PSD3: variants seen among roughly 807,000 people sequenced by gnomAD.
PSD3 encodes the protein pleckstrin and Sec7 domain containing 3, also known as PH and SEC7 domain-containing protein 3.
PSD3 carries 49 observed loss-of-function variants against 105.5 expected under a neutral mutation model. That is an observed-to-expected ratio of 0.46 (90% CI 0.37 to 0.59). The LOEUF (loss-of-function observed/expected upper bound fraction) is 0.59, where lower values mean the gene tolerates loss of function less well. Among genes scored for constraint, PSD3 ranks in the 20% least tolerant of loss-of-function variants. The pLI is 0.00. For missense variants in PSD3, 1,561 were observed against 1,263.8 expected (o/e 1.24, Z -3.57); for synonymous variants, 557 against 457.8 (o/e 1.22, Z -2.77).
At chr8:18,563,662 C>T (rs569132865) in intron 14 of PSD3, among the ~76,000 whole-genome samples, 2 of 152,190 alleles carry the variant, frequency 1.3e-5, no homozygotes, top group Admixed American at 1.3e-4. Context: ...GATTTAATTA[C>T]TTGTTTTATT....
At chr8:18,818,465 T>C (rs1203057650) in intron 4 of PSD3, among the ~76,000 whole-genome samples, 1 of 152,186 alleles carries the variant, frequency 6.6e-6, no homozygotes, top group Non-Finnish European at 1.5e-5. Flanking sequence ...CTGTGTTCTT[T>C]AATGTGAATT....
At chr8:18,921,843 GACCAAGT>G (rs1321266474) in intron 2 of PSD3, among the ~76,000 whole-genome samples, 2 of 152,156 alleles carry the variant, frequency 1.3e-5, no homozygotes, top group African/African-American at 4.8e-5. Flanking sequence ...AGGGAGTGGT[GACCAAGT>G]ACCTGTGCTC....
At chr8:19,075,082 A>C in intron 1 of PSD3, among the ~76,000 whole-genome samples, 1 of 151,464 alleles carries the variant, frequency 6.6e-6, no homozygotes. Context: ...AGTAGTTGGG[A>C]TTACAGGCAC....
chr8:18,958,567 A>G (rs1271611175), intron 1 of PSD3, among the ~76,000 whole-genome samples: 1 of 152,226 alleles, frequency 6.6e-6, no homozygotes, highest in Non-Finnish European at 1.5e-5. Flanking sequence ...TTAAGATATT[A>G]GCAAAGTTAA....
Position 18,635,748 on chromosome 8 carries a change from G to A in PSD3, c.2217-2942C>T, listed in dbSNP as rs182866977. Among the ~76,000 whole-genome samples the A allele has an allele frequency of 6.3e-4, 96 of 152,192 alleles. 1 individual carries two copies. In the East Asian group the frequency reaches 0.015, roughly 24 times the overall value. On this transcript the variant is annotated intron_variant, in intron 10 of 15. Transcript: ENST00000327040. ...TGTCCTTTGCAGGGACATGGATGAA[G>A]CTGGAAACCATCATTCTCAGCAAAC...
intron 4 of PSD3, among the ~76,000 whole-genome samples, chr8:18,842,997 TG>T (rs1301470045): frequency 1.3e-5 from 2 of 152,206 alleles, no homozygotes; most frequent in Non-Finnish European, 2.9e-5. Context: ...TCATTTTCCA[TG>T]TTATTTTTTC....
At chr8:18,797,250 G>A (rs1022454151) in intron 8 of PSD3, among the ~76,000 whole-genome samples, 5 of 152,008 alleles carry the variant, frequency 3.3e-5, no homozygotes, top group Non-Finnish European at 7.4e-5. Flanking sequence ...TTAAAACAGA[G>A]AACTACTTAT....
At chr8:18,873,254 T>C (rs1817510236) in intron 2 of PSD3, among the ~76,000 whole-genome samples, 1 of 152,184 alleles carries the variant, frequency 6.6e-6, no homozygotes, top group African/African-American at 2.4e-5. Flanking sequence ...CTCCCCTTCA[T>C]TGTTGGGTTT....
chr8:19,071,510 GA>G (rs1829261296), intron 1 of PSD3, among the ~76,000 whole-genome samples: 2 of 152,268 alleles, frequency 1.3e-5, no homozygotes, highest in South Asian at 4.2e-4. Context: ...TAGAAGAAGA[GA>G]AACGGGAAGG....
Position 18,620,080 on chromosome 8 carries a change from C to G in PSD3, c.2410+12533G>C, listed in dbSNP as rs962072044. Among the ~76,000 whole-genome samples the G allele has an allele frequency of 2.0e-5, 3 of 152,262 alleles. No individual in the cohort carries two copies. In the East Asian group the frequency reaches 5.8e-4, roughly 29 times the overall value. On this transcript the variant is annotated intron_variant, in intron 11 of 15. Transcript: ENST00000327040. ...ATAAGGGCCGTGGCTCCCAGAGCCT[C>G]CTTAACTCAAGCATTCCTGTCTACT...
chr8:18,758,199 T>C (rs1806216942), intron 9 of PSD3, among the ~76,000 whole-genome samples: 1 of 152,226 alleles, frequency 6.6e-6, no homozygotes, highest in Non-Finnish European at 1.5e-5. Context: ...GCTATACTTG[T>C]ACTCAGCGAT....
At chr8:18,581,064 A>G (rs6586757) in intron 12 of PSD3, among the ~76,000 whole-genome samples, 4 of 152,142 alleles carry the variant, frequency 2.6e-5, no homozygotes, top group African/African-American at 9.6e-5. Context: ...TGAGAGAGAA[A>G]CTCTGAAGCT....
intron 11 of PSD3, among the ~76,000 whole-genome samples, chr8:18,606,972 G>C (rs1348913489): frequency 2.6e-5 from 4 of 152,112 alleles, no homozygotes; most frequent in Non-Finnish European, 5.9e-5. Flanking sequence ...CCCCAAGGAA[G>C]CTACCCATCT....
intron 4 of PSD3, among the ~76,000 whole-genome samples, chr8:18,833,738 T>C (rs537129771): frequency 3.3e-5 from 5 of 152,290 alleles, no homozygotes; most frequent in Middle Eastern, 3.4e-3. Flanking sequence ...ATTACAATTA[T>C]TATCCTCATT....
chr8:18,763,490 T>C (rs1806714773), intron 9 of PSD3, among the ~76,000 whole-genome samples: 1 of 152,104 alleles, frequency 6.6e-6, no homozygotes, highest in East Asian at 1.9e-4. Context: ...AATTCAAGTA[T>C]ATACTCCACC....
At chr8:18,970,338 A>AAAAAAAAAAAAAAAT (rs1824564185) in intron 1 of PSD3, among the ~76,000 whole-genome samples, 1 of 149,934 alleles carries the variant, frequency 6.7e-6, no homozygotes, top group Non-Finnish European at 1.5e-5. Context: ...AAAAAAAAAA[A>AAAAAAAAAAAAAAAT]AAAAAAAAAA....
chr8:18,775,031 T>C (rs1400199743), intron 8 of PSD3: 1 of 453,226 alleles, frequency 2.2e-6, no homozygotes, highest in Non-Finnish European at 4.4e-6. Context: ...CCTCCTACCT[T>C]CTGGTAACCA....
At chr8:18,773,499 C>T (rs1807744299) in intron 8 of PSD3, among the ~76,000 whole-genome samples, 1 of 152,034 alleles carries the variant, frequency 6.6e-6, no homozygotes, top group Admixed American at 6.6e-5. Context: ...GAACATTTTC[C>T]ATCTCTGGGA....
At chr8:18,694,831 A>AC (rs1307636870) in intron 9 of PSD3, among the ~76,000 whole-genome samples, 2 of 151,396 alleles carry the variant, frequency 1.3e-5, no homozygotes, top group Non-Finnish European at 2.9e-5. Context: ...TGAAAAAAAA[A>AC]ATTATTCTGA....
Sources: allele counts gnomAD v4.1 joint callset (sites outside exome capture counted in the v4.1 genomes callset), GRCh38; gene constraint gnomAD v4.1.1; transcripts MANE v1.5; gene names NCBI Gene and HGNC (gene_info 2026-07-23, HGNC 2026-07-21).